Variants in ZDHHC17 observed in about 807,000 individuals in gnomAD.
The protein encoded by ZDHHC17 is zDHHC palmitoyltransferase 17.
Under a neutral mutation model 90.3 loss-of-function variants are expected in ZDHHC17, and 40 were observed. The ratio of observed to expected loss-of-function variants is 0.44; its 90% CI spans 0.34 to 0.58. The LOEUF (loss-of-function observed/expected upper bound fraction) is 0.58. Among genes scored for constraint, ZDHHC17 ranks in the 20% least tolerant of loss-of-function variants. ZDHHC17 has a pLI of 0.01. For synonymous variants in ZDHHC17, 235 were observed against 252.4 expected, an observed-to-expected ratio of 0.93 and a Z score of 0.65; for missense variants, 614 against 780.8, an observed-to-expected ratio of 0.79 and a Z score of 2.55.
intron 10 of ZDHHC17, among the ~76,000 whole-genome samples, chr12:76,838,300 TTTTTG>T (rs1953393953): frequency 6.6e-6 from 1 of 152,206 alleles, no homozygotes; most frequent in Non-Finnish European, 1.5e-5. Flanking sequence ...TGGTTTATTA[TTTTTG>T]TTTTGTTTTT....
intron 7 of ZDHHC17, chr12:76,821,068 G>T: frequency 7.8e-7 from 1 of 1,289,436 alleles, no homozygotes; most frequent in Non-Finnish European, 1.0e-6. Context: ...GCAATCCTTA[G>T]GTGTCACATG....
At chr12:76,846,383 A>G in intron 13 of ZDHHC17, 1 of 523,262 alleles carries the variant, frequency 1.9e-6, no homozygotes. Flanking sequence ...CTTGAACACC[A>G]TTGTCATCAT....
intron 10 of ZDHHC17, among the ~76,000 whole-genome samples, chr12:76,832,762 A>G (rs748451363): frequency 6.6e-6 from 1 of 152,172 alleles, no homozygotes; most frequent in African/African-American, 2.4e-5. Flanking sequence ...TTAAACGGCA[A>G]AATCTACACA....
intron 1 of ZDHHC17, among the ~76,000 whole-genome samples, chr12:76,764,987 C>T (rs1446396753): frequency 1.1e-4 from 16 of 152,306 alleles, no homozygotes. Context: ...ACACGTTTCC[C>T]ATCACAACAT....
Position 76,849,708 on chromosome 12 carries a change from T to C in ZDHHC17, c.1760+238T>C, listed in dbSNP as rs375234606. On this transcript the variant is annotated intron_variant, in intron 16 of 16. Coordinates refer to ENST00000426126, the MANE Select transcript of ZDHHC17 (RefSeq NM_015336.4). ...TTTAATTTTAAATTTGTATTCAGTCTGGTGCTTAGAAATAGTAGGGTCCTA... is the reference window on the plus strand; with the variant it reads ...TTTAATTTTAAATTTGTATTCAGTCCGGTGCTTAGAAATAGTAGGGTCCTA... 3.9e-4 allele frequency: 116 copies of C among 294,770 alleles called. 2 individuals are homozygous for C. The highest frequency in any genetic ancestry group is 2.1e-3 in the African/African-American group (96 of 45,012). 18.3% of individuals were successfully genotyped at this position (294,770 alleles called of 1,614,324 possible). A position where few individuals can be genotyped will look rare whatever the true frequency, so the allele number is the denominator to read the frequency against.
intron 13 of ZDHHC17, chr12:76,846,180 A>G (rs1430405803): frequency 8.7e-6 from 2 of 229,172 alleles, no homozygotes; most frequent in Non-Finnish European, 1.7e-5. Flanking sequence ...CTAAGGAGAG[A>G]AACTACATGG....
chr12:76,838,342 A>G (rs980900304), intron 10 of ZDHHC17, among the ~76,000 whole-genome samples: 17 of 152,046 alleles, frequency 1.1e-4, no homozygotes, highest in African/African-American at 3.9e-4. Flanking sequence ...TTGTTATGCC[A>G]TTTCTTTTCA....
intron 9 of ZDHHC17, among the ~76,000 whole-genome samples, chr12:76,827,414 A>G (rs1953243029): frequency 6.6e-6 from 1 of 152,170 alleles, no homozygotes. Context: ...TCCTGTAGAA[A>G]ATAAGGCATA....
intron 1 of ZDHHC17, among the ~76,000 whole-genome samples, chr12:76,767,968 A>G (rs533649283): frequency 2.6e-5 from 4 of 152,166 alleles, no homozygotes; most frequent in African/African-American, 9.6e-5. Flanking sequence ...TCTGCAGCTT[A>G]CTGTTATCAT....
At chr12:76,790,752 C>CCATA (rs768428940) in intron 1 of ZDHHC17, among the ~76,000 whole-genome samples, 2 of 152,052 alleles carry the variant, frequency 1.3e-5, no homozygotes, top group African/African-American at 2.4e-5. Flanking sequence ...ATGTTCTCAC[C>CCATA]CATACATGGA....
intron 9 of ZDHHC17, among the ~76,000 whole-genome samples, chr12:76,827,400 A>G (rs1592490891): frequency 6.6e-6 from 1 of 152,264 alleles, no homozygotes; most frequent in East Asian, 1.9e-4. Context: ...TAGGAATTAT[A>G]TTTTCCTGTA....
intron 5 of ZDHHC17, among the ~76,000 whole-genome samples, chr12:76,810,204 A>T (rs1271051614): frequency 6.6e-6 from 1 of 152,110 alleles, no homozygotes; most frequent in African/African-American, 2.4e-5. Context: ...TTTATTGGTT[A>T]TTTTATATAT....
rs369381622 is a variant in ZDHHC17 at position 76,797,409 on chromosome 12, C to T, written c.94-25C>T. The T allele has an allele frequency of 9.8e-6, 15 of 1,537,780 alleles. No individual in the cohort carries two copies. The African/African-American group carries it at 1.7e-4, about 17-fold the overall frequency. ...CTGTACCTCTTTTTTCAATTCTTGC[C>T]TGTGTGTGATTTTCTTTTTAACAGG... On this transcript the variant is annotated intron_variant, in intron 1 of 16. Coordinates refer to ENST00000426126, the MANE Select transcript of ZDHHC17 (RefSeq NM_015336.4).
intron 2 of ZDHHC17, among the ~76,000 whole-genome samples, chr12:76,798,229 G>A (rs568985189): frequency 4.8e-4 from 73 of 152,198 alleles, no homozygotes; most frequent in Middle Eastern, 3.4e-3. Context: ...TATTTAACCC[G>A]TGCTAAGGGA....
chr12:76,817,541 G>A (rs1430881927), intron 7 of ZDHHC17, among the ~76,000 whole-genome samples: 2 of 152,058 alleles, frequency 1.3e-5, no homozygotes, highest in African/African-American at 4.8e-5. Context: ...ACAGTAAGAT[G>A]ACTACACAGT....
intron 8 of ZDHHC17, 70 bp downstream of exon 8, chr12:76,822,601 C>T: frequency 7.7e-7 from 1 of 1,301,826 alleles, no homozygotes; most frequent in Non-Finnish European, 1.1e-6. Context: ...GTTGCCCAGG[C>T]TGGAGTGCAG....
At position 76,802,195 on chromosome 12, in the gene ZDHHC17, T is replaced by C. The variant is rs140810131; in HGVS notation, c.198-3122T>C. 4.3e-4 allele frequency among the ~76,000 whole-genome samples: 66 copies of C among 152,336 alleles called. 1 individual carries two copies. In the East Asian group the frequency reaches 9.8e-3, roughly 23 times the overall value. On this transcript the variant is annotated intron_variant, in intron 2 of 16. Coordinates refer to ENST00000426126, the MANE Select transcript of ZDHHC17 (RefSeq NM_015336.4). ...GGAATGTCTTAATTTCTTCCCCTCTTTTGAAGGACAATTTTGCTGAATATA... is the reference window on the plus strand; with the variant it reads ...GGAATGTCTTAATTTCTTCCCCTCTCTTGAAGGACAATTTTGCTGAATATA...
Position 76,826,923 on chromosome 12 carries a change from G to C in ZDHHC17, c.913G>C (p.Val305Leu). ...TTCTATACAGGAATTTCGGCAGAAA[G>C]TAATGTTAGGAACTCCTTTCCTAGT... ...LKADKEFRQK[V>L]MLGTPFLVIW... Residue 305 changes from valine (V) to leucine (L), a missense_variant, in exon 9 of 17, where the codon GTA becomes CTA. Val to Leu is a conservative substitution (Grantham distance 32). Coordinates refer to ENST00000426126, the MANE Select transcript of ZDHHC17 (RefSeq NM_015336.4). The C allele has an allele frequency of 6.6e-7, 1 of 1,511,070 alleles. No homozygotes were observed. The highest frequency in any genetic ancestry group is 8.8e-7 in the Non-Finnish European group (1 of 1,141,790). The allele number at this position is 1,511,070 out of a possible 1,614,324, so 93.6% of individuals were successfully genotyped here.
At chr12:76,768,985 G>T in intron 1 of ZDHHC17, 1 of 203,742 alleles carries the variant, frequency 4.9e-6, no homozygotes, top group South Asian at 5.4e-5. Flanking sequence ...ATTTCTGTTT[G>T]AATATTAAAT....
Sources: allele counts gnomAD v4.1 joint callset (sites outside exome capture counted in the v4.1 genomes callset), GRCh38; gene constraint gnomAD v4.1.1; transcripts MANE v1.5; gene names NCBI Gene and HGNC (gene_info 2026-07-23, HGNC 2026-07-21).